PRSS41: variants seen among roughly 807,000 people sequenced by gnomAD.
The protein encoded by PRSS41 is protease, serine 41.
In PRSS41, 37 loss-of-function variants were observed where a neutral mutation model predicts 28.8. The ratio of observed to expected loss-of-function variants is 1.29; its 90% CI spans 0.99 to 1.69. The LOEUF (loss-of-function observed/expected upper bound fraction) is 1.69. Among genes scored for constraint, PRSS41 ranks in the 40% most tolerant of loss-of-function variants. PRSS41 has a pLI of 0.00. For missense variants in PRSS41, 431 were observed against 400.7 expected (o/e 1.08, Z -0.65); for synonymous variants, 195 against 163.1 (o/e 1.20, Z -1.49).
At chr16:2,802,895 C>T (rs900327600) in intron 4 of PRSS41, among the ~76,000 whole-genome samples, 6 of 144,254 alleles carry the variant, frequency 4.2e-5, no homozygotes, top group East Asian at 3.9e-4. Flanking sequence ...GGGAGAGGGA[C>T]GTTCTTGGAC....
In PRSS41 at chr16:2,799,273, C is replaced by G. The variant is rs1224004536; in HGVS notation, c.258-13C>G. On this transcript the variant is annotated splice_polypyrimidine_tract_variant and intron_variant, in intron 3 of 5. Coordinates refer to ENST00000399677, the Ensembl canonical transcript of PRSS41. ...TATTCCAAGGCTCCCCGCCCTCTCT[C>G]CTTTTCTGCTAGGCACTACTATCCC... 2 of 1,550,890 alleles carry G rather than the reference C, an allele frequency of 1.3e-6. No homozygotes were observed. The highest frequency in any genetic ancestry group is 1.4e-5 in the African/African-American group (1 of 73,152).
chr16:2,800,237 A>G (rs1483363882), intron 4 of PRSS41, among the ~76,000 whole-genome samples: 1 of 152,216 alleles, frequency 6.6e-6, no homozygotes, highest in Non-Finnish European at 1.5e-5. Context: ...GAGGCACAGT[A>G]AAGATATGGC....
chr16:2,801,574 T>G (rs551700729), intron 4 of PRSS41, among the ~76,000 whole-genome samples: 121 of 151,684 alleles, frequency 8.0e-4, no homozygotes, highest in African/African-American at 2.4e-3. Flanking sequence ...AGCATCTGTT[T>G]AACAAAGCAC....
intron 5 of PRSS41, 146 bp downstream of exon 5, chr16:2,804,692 A>G (rs1022850063): frequency 2.2e-6 from 2 of 910,398 alleles, no homozygotes; most frequent in African/African-American, 3.3e-5. Flanking sequence ...GAGCCTACAA[A>G]ATATGCTTCT....
chr16:2,804,128 G>A lies in PRSS41; in HGVS notation c.542-261G>A, dbSNP rs189373074. Among the ~76,000 whole-genome samples, 35 of 152,240 alleles carry A rather than the reference G, an allele frequency of 2.3e-4. No individual in the cohort carries two copies. In the East Asian group the frequency reaches 6.0e-3, roughly 26 times the overall value. ...GAAATTTCTCCGCGGACTCAGGCAG[G>A]GGCTATCATCTCCATTCTACAGATA... On this transcript the variant is annotated intron_variant, in intron 4 of 5. Coordinates refer to ENST00000399677, the Ensembl canonical transcript of PRSS41.
chr16:2,805,182 A>C, exon 6 of PRSS41: 1 of 1,435,778 alleles, frequency 7.0e-7, no homozygotes. Context: ...TGCAGTGGGG[A>C]CCACAGTATT....
intron 4 of PRSS41, among the ~76,000 whole-genome samples, chr16:2,800,073 C>T (rs2150798160): frequency 6.6e-6 from 1 of 152,284 alleles, no homozygotes; most frequent in East Asian, 1.9e-4. Flanking sequence ...GTTACACAAA[C>T]CCAGATGGCA....
At chr16:2,801,986 C>T (rs1217895379) in intron 4 of PRSS41, among the ~76,000 whole-genome samples, 2 of 151,038 alleles carry the variant, frequency 1.3e-5, no homozygotes, top group African/African-American at 2.4e-5. Context: ...CCCCCACCTC[C>T]CTCCCGGACG....
chr16:2,800,023 A>G (rs2068976164), intron 4 of PRSS41, among the ~76,000 whole-genome samples: 2 of 152,268 alleles, frequency 1.3e-5, no homozygotes, highest in Non-Finnish European at 2.9e-5. Context: ...GATATGCATC[A>G]TGAGGCACTT....
At chr16:2,799,068 T>G in exon 3 of PRSS41, 1 of 1,534,238 alleles carries the variant, frequency 6.5e-7, no homozygotes, top group Non-Finnish European at 8.7e-7. Flanking sequence ...GCCACCGATG[T>G]GGAGGGAGCC....
rs1169869196 is a variant in PRSS41 at position 2,801,856 on chromosome 16, C to T, written c.541+2287C>T. On this transcript the variant is annotated intron_variant, in intron 4 of 5. Transcript: ENST00000399677. ...GGCCTGTTCTCAATGAGCTGTTGGG[C>T]ACACCTCCCAGACGGGGTGGTGGCC... is the stretch of plus-strand genomic sequence containing the variant. 4.2e-3 allele frequency among the ~76,000 whole-genome samples: 640 copies of T among 152,244 alleles called. 1 individual carries two copies. Among genetic ancestry groups the T allele is most frequent in the Non-Finnish European group, 7.0e-3 (474 of 67,984 alleles).
intron 4 of PRSS41, among the ~76,000 whole-genome samples, chr16:2,801,996 G>C (rs1442419679): frequency 6.6e-6 from 1 of 150,528 alleles, no homozygotes; most frequent in Non-Finnish European, 1.5e-5. Context: ...CCTCCCGGAC[G>C]GGGCGGCTGG....
At chr16:2,804,262 A>G (rs532187781) in intron 4 of PRSS41, 127 bp from the exon 5 acceptor site, 56 of 943,618 alleles carry the variant, frequency 5.9e-5, no homozygotes, top group Non-Finnish European at 8.7e-5. Flanking sequence ...GTCAAGAGCA[A>G]TGCTGGGTGT....
Position 2,799,472 on chromosome 16 carries a change from G to A in PRSS41, c.444G>A (p.Ala148=), listed in dbSNP as rs902605740. ...TGGCCTCTTCTGTCACCTACAATGC[G>A]TACATCCAGCCCATTTGCATCGAGT... Residue 148 remains alanine (A), a synonymous_variant, in exon 4 of 6, where the codon GCG becomes GCA. Transcript: ENST00000399677. 6.4e-6 allele frequency: 10 copies of A among 1,552,020 alleles called. No homozygotes were observed. The African/African-American group carries it at 8.2e-5, about 13-fold the overall frequency.
intron 2 of PRSS41, 116 bp from the exon 3 acceptor site, chr16:2,798,841 GGC>G (rs1489257973): frequency 3.0e-5 from 39 of 1,279,946 alleles, no homozygotes; most frequent in Non-Finnish European, 3.7e-5. Context: ...TCACCTTCTT[GGC>G]GCGCGGTTCC....
chr16:2,799,134 G>A lies in PRSS41; in HGVS notation c.257+10G>A, dbSNP rs1567267057. On this transcript the variant is annotated intron_variant, in intron 3 of 5. Transcript: ENST00000399677. ...CGCACTGCTTCCAAAAGTGAGTCTGGGGGGCGGCCGGGGCCTCAGACTTGC... is the reference window on the plus strand; with the variant it reads ...CGCACTGCTTCCAAAAGTGAGTCTGAGGGGCGGCCGGGGCCTCAGACTTGC... 2 of 1,509,874 alleles carry A rather than the reference G, an allele frequency of 1.3e-6. No homozygotes were observed. The highest frequency in any genetic ancestry group is 1.4e-5 in the African/African-American group (1 of 72,044). 93.5% of individuals were successfully genotyped at this position (1,509,874 alleles called of 1,614,324 possible). A position where few individuals can be genotyped will look rare whatever the true frequency, so the allele number is the denominator to read the frequency against.
rs1190283309 is a variant in PRSS41 at position 2,798,534 on chromosome 16, G to C, written c.50G>C (p.Gly17Ala). 4 of 1,531,468 alleles carry C rather than the reference G, an allele frequency of 2.6e-6. No individual in the cohort carries two copies. The East Asian group carries it at 7.6e-5, about 29-fold the overall frequency. The allele number at this position is 1,531,468 out of a possible 1,614,324, so 94.9% of individuals were successfully genotyped here. A position where few individuals can be genotyped will look rare whatever the true frequency, so the allele number is the denominator to read the frequency against. Residue 17 changes from glycine (G) to alanine (A), a missense_variant, in exon 1 of 6, where the codon GGA (glycine) becomes GCA (alanine). Transcript: ENST00000399677. ...CTGGCGCTGCTGCTGGCTCGGGCTG[G>C]ACTCGGGAAGCCGGGTGAGCTCGGG...
intron 4 of PRSS41, among the ~76,000 whole-genome samples, chr16:2,803,077 G>C (rs1468458433): frequency 6.6e-6 from 1 of 151,926 alleles, no homozygotes; most frequent in Non-Finnish European, 1.5e-5. Context: ...TGGATCCAGT[G>C]ATTTTTTTAA....
chr16:2,799,667 TG>T (rs1173827023), intron 4 of PRSS41, 98 bp downstream of exon 4: 18 of 1,320,652 alleles, frequency 1.4e-5, no homozygotes, highest in Non-Finnish European at 1.8e-5. Flanking sequence ...GCCCCCTCCT[TG>T]GTCTGGGGCT....
Sources: gnomAD v4.1 joint callset for allele counts (sites outside exome capture counted in the v4.1 genomes callset) on GRCh38, gnomAD v4.1.1 for gene constraint, MANE v1.5 for transcripts, NCBI Gene and HGNC (gene_info 2026-07-23, HGNC 2026-07-21) for gene names.